Variants in PTPN9 observed in about 807,000 individuals in gnomAD.
The protein encoded by PTPN9 is tyrosine-protein phosphatase non-receptor type 9.
Under a neutral mutation model 69.8 loss-of-function variants are expected in PTPN9, and 26 were observed. That is an observed-to-expected ratio of 0.37 (90% CI 0.27 to 0.52). The LOEUF is 0.52. Among genes scored for constraint, PTPN9 ranks in the 20% least tolerant of loss-of-function variants. The pLI, the probability that PTPN9 is intolerant of heterozygous loss-of-function variation, is 0.91. For synonymous variants in PTPN9, 274 were observed against 272.5 expected (o/e 1.01, Z -0.05); for missense variants, 549 against 740.3 (o/e 0.74, Z 3.00).
chr15:75,559,193 G>A (rs1226809875), intron 1 of PTPN9, among the ~76,000 whole-genome samples: 6 of 151,522 alleles, frequency 4.0e-5, no homozygotes, highest in Non-Finnish European at 1.5e-5. Flanking sequence ...GTCTAAGTGA[G>A]GAGCCCCTCC....
chr15:75,476,373 G>T (rs1408246993), intron 9 of PTPN9, among the ~76,000 whole-genome samples: 2 of 152,106 alleles, frequency 1.3e-5, no homozygotes, highest in African/African-American at 4.8e-5. Context: ...GGAGTGCAGT[G>T]GCGTGATCTC....
intron 7 of PTPN9, among the ~76,000 whole-genome samples, chr15:75,503,593 TGGG>T (rs1403517709): frequency 2.9e-5 from 3 of 103,558 alleles, no homozygotes; most frequent in Non-Finnish European, 4.1e-5. Context: ...GGGAGGGAGG[TGGG>T]GGGGTCAGCC....
intron 9 of PTPN9, among the ~76,000 whole-genome samples, chr15:75,474,810 T>C (rs900578291): frequency 2.6e-5 from 4 of 152,348 alleles, no homozygotes; most frequent in African/African-American, 9.6e-5. Flanking sequence ...AGTCTACTTT[T>C]TTGAATAGGC....
At chr15:75,564,105 G>T (rs1288834735) in intron 1 of PTPN9, among the ~76,000 whole-genome samples, 1 of 150,292 alleles carries the variant, frequency 6.7e-6, no homozygotes, top group East Asian at 1.9e-4. Flanking sequence ...TAGAGATAAG[G>T]TCTCACTTTG....
chr15:75,476,180 A>G (rs2074595026), intron 9 of PTPN9, among the ~76,000 whole-genome samples: 1 of 152,140 alleles, frequency 6.6e-6, no homozygotes, highest in Non-Finnish European at 1.5e-5. Flanking sequence ...AATAAATAAT[A>G]GCATACCATA....
chr15:75,518,170 G>C (rs2074881433), intron 4 of PTPN9, among the ~76,000 whole-genome samples: 1 of 152,110 alleles, frequency 6.6e-6, no homozygotes, highest in East Asian at 1.9e-4. Context: ...CCAGGAATTT[G>C]AGACCAGGCT....
At chr15:75,545,560 A>C (rs2075028508) in intron 1 of PTPN9, among the ~76,000 whole-genome samples, 1 of 152,242 alleles carries the variant, frequency 6.6e-6, no homozygotes, top group Non-Finnish European at 1.5e-5. Context: ...CACAGAAGAA[A>C]CTATCTGGAA....
At position 75,497,022 on chromosome 15, in the gene PTPN9, AAAT is replaced by A. The variant is rs143833588; in HGVS notation, c.969-6724_969-6722del. On this transcript the variant is annotated intron_variant, in intron 7 of 12. Coordinates refer to ENST00000618819, the MANE Select transcript of PTPN9 (RefSeq NM_002833.4). Reference sequence around the variant, plus strand: ...AGAAATTACAAAGGTCACACATATAAAATAATACTCTATATTGTTCATGAGTGC... The same window carrying A: ...AGAAATTACAAAGGTCACACATATAAAATACTCTATATTGTTCATGAGTGC... 2.9e-4 allele frequency among the ~76,000 whole-genome samples: 44 copies of A among 152,324 alleles called. No homozygotes were observed. In the East Asian group the frequency reaches 8.1e-3, roughly 28 times the overall value.
At position 75,517,249 on chromosome 15, in the gene PTPN9, A is replaced by G; in HGVS notation, c.528+10T>C. On this transcript the variant is annotated intron_variant, in intron 5 of 12. Coordinates refer to ENST00000618819, the MANE Select transcript of PTPN9 (RefSeq NM_002833.4). Reference sequence around the variant, plus strand: ...TGAAGGAAACTTGAGAGGGCCCTCCATAGCCTTACCTTCAGCAGGTTTAGG... The same window carrying G: ...TGAAGGAAACTTGAGAGGGCCCTCCGTAGCCTTACCTTCAGCAGGTTTAGG... 6.2e-7 allele frequency: 1 copy of G among 1,601,966 alleles called. No individual in the cohort carries two copies. Among genetic ancestry groups the G allele is most frequent in the South Asian group, 1.1e-5 (1 of 90,440 alleles).
chr15:75,470,714 T>A lies in PTPN9; in HGVS notation c.1325A>T (p.Tyr442Phe), dbSNP rs777730659. ...GTGAATTTCTAGCGTTGTTTTCTTA[T>A]AATGATTCATGTTCTCCACGCCTAG... ...TNLGVENMNH[Y>F]KKTTLEIHNT... The change falls in exon 11 of 13, where the codon TAT becomes TTT. Residue 442 changes from tyrosine to phenylalanine, a missense_variant. Physicochemically the swap from Tyr to Phe is conservative, Grantham distance 22 (BLOSUM62 3). This residue lies in a region of PTPN9 where 457 missense variants were observed against 661.9 expected (regional missense o/e 0.69). Coordinates refer to ENST00000618819, the MANE Select transcript of PTPN9 (RefSeq NM_002833.4). 11 of 1,614,124 alleles carry A rather than the reference T, an allele frequency of 6.8e-6. No individual in the cohort carries two copies. In the African/African-American group the frequency reaches 9.3e-5, roughly 14 times the overall value.
chr15:75,511,772 C>A (rs1020307019), intron 5 of PTPN9, among the ~76,000 whole-genome samples: 1 of 151,968 alleles, frequency 6.6e-6, no homozygotes, highest in African/African-American at 2.4e-5. Context: ...ACCATGTAAC[C>A]ATCATTCTGA....
chr15:75,480,562 G>T, intron 8 of PTPN9: 1 of 708,786 alleles, frequency 1.4e-6, no homozygotes. Flanking sequence ...TCCGGCCATG[G>T]TGGCCGCGGG....
At chr15:75,560,392 T>G (rs974086343) in intron 1 of PTPN9, among the ~76,000 whole-genome samples, 11 of 152,160 alleles carry the variant, frequency 7.2e-5, no homozygotes, top group African/African-American at 2.7e-4. Context: ...TCTTCATTTT[T>G]GGGGTTTTCA....
chr15:75,470,626 G>A, intron 11 of PTPN9, 54 bp downstream of exon 11: 2 of 1,576,176 alleles, frequency 1.3e-6, no homozygotes, highest in South Asian at 2.2e-5. Flanking sequence ...TTTCATTACA[G>A]TAATTATTCT....
At chr15:75,482,393 G>A (rs1187000798) in intron 8 of PTPN9, among the ~76,000 whole-genome samples, 5 of 152,062 alleles carry the variant, frequency 3.3e-5, no homozygotes, top group Middle Eastern at 3.4e-3. Flanking sequence ...GTGAAACCCC[G>A]TCTCTACTAA....
intron 7 of PTPN9, among the ~76,000 whole-genome samples, chr15:75,504,247 G>A (rs1193686406): frequency 2.2e-5 from 3 of 135,074 alleles, no homozygotes; most frequent in African/African-American, 8.3e-5. Flanking sequence ...CGCCCCGTCC[G>A]GGAGGGAGGT....
intron 7 of PTPN9, among the ~76,000 whole-genome samples, chr15:75,501,181 A>G (rs1208202952): frequency 6.6e-6 from 1 of 152,094 alleles, no homozygotes; most frequent in East Asian, 1.9e-4. Context: ...CTATCCCTGC[A>G]TCTTATTCAG....
At chr15:75,570,344 A>C (rs2075143525) in intron 1 of PTPN9, 1 of 152,200 alleles carries the variant, frequency 6.6e-6, no homozygotes, top group Admixed American at 6.6e-5. Flanking sequence ...AGGACATGTA[A>C]GACTGTGGGA....
intron 7 of PTPN9, among the ~76,000 whole-genome samples, chr15:75,491,124 T>C (rs533126599): frequency 1.3e-4 from 20 of 149,286 alleles, no homozygotes; most frequent in Non-Finnish European, 3.0e-4. Flanking sequence ...AAAGAGAAGC[T>C]GGGTGTGGTG....
Sources: gnomAD v4.1 joint callset for allele counts (sites outside exome capture counted in the v4.1 genomes callset) on GRCh38, gnomAD v4.1.1 for gene constraint, gnomAD v4.1.1 regional missense constraint, MANE v1.5 for transcripts, NCBI Gene and HGNC (gene_info 2026-07-23, HGNC 2026-07-21) for gene names.